Variants in MGMT observed in about 807,000 individuals in gnomAD.
The protein encoded by MGMT is methylated-DNA--protein-cysteine methyltransferase.
In MGMT, 14 loss-of-function variants were observed where a neutral mutation model predicts 15.9. The ratio of observed to expected loss-of-function variants is 0.88; its 90% CI spans 0.58 to 1.37. The LOEUF (loss-of-function observed/expected upper bound fraction) is 1.37. Among genes scored for constraint, MGMT ranks in the 40% most tolerant of loss-of-function variants. The pLI, the probability that MGMT is intolerant of heterozygous loss-of-function variation, is 0.00. For missense variants in MGMT, 282 were observed against 268.1 expected (o/e 1.05, Z -0.36); for synonymous variants, 130 against 118.2 (o/e 1.10, Z -0.65).
At chr10:129,751,835 G>T (rs759014596) in intron 3 of MGMT, among the ~76,000 whole-genome samples, 2 of 151,794 alleles carry the variant, frequency 1.3e-5, no homozygotes, top group African/African-American at 4.8e-5. Flanking sequence ...GGTTTTTGTC[G>T]ATTTCTAGTC....
At position 129,530,839 on chromosome 10, in the gene MGMT, C is replaced by T. The variant is rs535913160; in HGVS notation, c.-12-5402C>T. On this transcript the variant is annotated intron_variant, in intron 1 of 4. Coordinates refer to ENST00000651593, the MANE Select transcript of MGMT (RefSeq NM_002412.5). ...TGGCGGGTGCCTTCACCCTGGCCTG[C>T]GTGGCTCCTCGCCCGGGGGCCCCTC... 2.6e-5 allele frequency among the ~76,000 whole-genome samples: 4 copies of T among 152,332 alleles called. No individual in the cohort carries two copies. The East Asian group carries it at 5.8e-4, about 22-fold the overall frequency.
intron 3 of MGMT, among the ~76,000 whole-genome samples, chr10:129,738,211 G>A (rs945560868): frequency 5.9e-5 from 9 of 152,172 alleles, no homozygotes; most frequent in South Asian, 2.1e-4. Flanking sequence ...GCGAGACTCC[G>A]TGGGCATAGG....
intron 2 of MGMT, among the ~76,000 whole-genome samples, chr10:129,610,409 A>G (rs982937781): frequency 1.3e-5 from 2 of 152,180 alleles, no homozygotes; most frequent in Admixed American, 6.5e-5. Flanking sequence ...CTGTTCTGGA[A>G]CTTGCCAAGT....
intron 1 of MGMT, among the ~76,000 whole-genome samples, chr10:129,471,028 C>T: frequency 6.6e-6 from 1 of 152,194 alleles, no homozygotes; most frequent in East Asian, 1.9e-4. Flanking sequence ...TCAGCAGAGG[C>T]TCCCACCCAG....
intron 2 of MGMT, among the ~76,000 whole-genome samples, chr10:129,655,166 A>G (rs1408023356): frequency 6.6e-6 from 1 of 152,144 alleles, no homozygotes; most frequent in East Asian, 1.9e-4. Context: ...CAGCCAGTGT[A>G]GGGGTGGGAC....
intron 1 of MGMT, among the ~76,000 whole-genome samples, chr10:129,525,103 T>C (rs1368557141): frequency 7.2e-5 from 11 of 152,192 alleles, no homozygotes; most frequent in Non-Finnish European, 7.3e-5. Flanking sequence ...CCCTTTTCTC[T>C]AGGTGTGATC....
Position 129,714,272 on chromosome 10 carries a change from T to C in MGMT, c.274+6229T>C, listed in dbSNP as rs1004743156. 9.2e-5 allele frequency among the ~76,000 whole-genome samples: 14 copies of C among 152,358 alleles called. 1 individual carries two copies. Among genetic ancestry groups the C allele is most frequent in the Middle Eastern group, 6.8e-3 (2 of 294 alleles). On this transcript the variant is annotated intron_variant, in intron 3 of 4. Coordinates refer to ENST00000651593, the MANE Select transcript of MGMT (RefSeq NM_002412.5). ...AGCTATACTCTGGCATATTGGTGAA[T>C]TTCATGGGCCAAAGAACCTGAGGTT...
intron 2 of MGMT, among the ~76,000 whole-genome samples, chr10:129,598,510 T>C (rs1846779393): frequency 6.6e-6 from 1 of 152,166 alleles, no homozygotes; most frequent in Admixed American, 6.5e-5. Flanking sequence ...GTGGTGCTGC[T>C]GGTTCAGGAA....
At chr10:129,689,057 G>C (rs1358186988) in intron 2 of MGMT, among the ~76,000 whole-genome samples, 1 of 152,130 alleles carries the variant, frequency 6.6e-6, no homozygotes, top group Non-Finnish European at 1.5e-5. Context: ...AGCCTCCTGG[G>C]TAGCTGAGAC....
intron 2 of MGMT, among the ~76,000 whole-genome samples, chr10:129,542,268 C>T (rs1313075030): frequency 6.6e-6 from 1 of 152,142 alleles, no homozygotes; most frequent in African/African-American, 2.4e-5. Flanking sequence ...GGTATGTGCA[C>T]CTGCCGAGTC....
intron 2 of MGMT, among the ~76,000 whole-genome samples, chr10:129,699,479 A>G (rs1162887101): frequency 6.6e-6 from 1 of 152,002 alleles, no homozygotes; most frequent in Non-Finnish European, 1.5e-5. Context: ...AGTTTTAGCA[A>G]GATACCTACG....
Position 129,716,326 on chromosome 10 carries a change from CT to C in MGMT, c.274+8291del, listed in dbSNP as rs556746980. ...AGTGTAGCTGTTACTATGACAACGA[CT>C]TTTTTTTCTTGAGTACTGTTTTTAA... On this transcript the variant is annotated intron_variant, in intron 3 of 4. Coordinates refer to ENST00000651593, the MANE Select transcript of MGMT (RefSeq NM_002412.5). Among the ~76,000 whole-genome samples, 35 of 152,094 alleles carry C rather than the reference CT, an allele frequency of 2.3e-4. 1 individual carries two copies. The highest frequency in any genetic ancestry group is 6.8e-4 in the African/African-American group (28 of 41,410).
rs186487266 is a variant in MGMT at position 129,688,153 on chromosome 10, G to A, written c.126-19742G>A. 2.8e-3 allele frequency among the ~76,000 whole-genome samples: 424 copies of A among 152,276 alleles called. 2 individuals are homozygous for A. The highest frequency in any genetic ancestry group is 9.6e-3 in the African/African-American group (397 of 41,540). The stretch of plus-strand genomic sequence containing the variant: ...GTGAATAGTGCCACAGTAAACATAC[G>A]TGTGCATGTGCCTTTATAGCAGCAT... On this transcript the variant is annotated intron_variant, in intron 2 of 4. Transcript: ENST00000651593.
At chr10:129,716,931 C>T (rs547964511) in intron 3 of MGMT, among the ~76,000 whole-genome samples, 3 of 152,166 alleles carry the variant, frequency 2.0e-5, no homozygotes, top group Non-Finnish European at 4.4e-5. Flanking sequence ...TAATATTCAA[C>T]TGAGCATATT....
At chr10:129,761,664 G>T (rs1006337290) in intron 4 of MGMT, among the ~76,000 whole-genome samples, 14 of 152,214 alleles carry the variant, frequency 9.2e-5, no homozygotes, top group Admixed American at 6.5e-4. Flanking sequence ...TGTCTGTAAA[G>T]TCCACACATC....
intron 1 of MGMT, among the ~76,000 whole-genome samples, chr10:129,492,441 G>A (rs530382992): frequency 1.4e-4 from 21 of 152,226 alleles, no homozygotes; most frequent in South Asian, 4.2e-4. Flanking sequence ...CCCCAGTCTC[G>A]TAAGTGCTAT....
chr10:129,492,590 A>G lies in MGMT; in HGVS notation c.-13+25294A>G, dbSNP rs150703580. ...ATTCTGATCTTTCATGCCATCCCCAATGGGCCACCCAGAGCTTCCCTGGTT... is the reference window on the plus strand; with the variant it reads ...ATTCTGATCTTTCATGCCATCCCCAGTGGGCCACCCAGAGCTTCCCTGGTT... On this transcript the variant is annotated intron_variant, in intron 1 of 4. Coordinates refer to ENST00000651593, the MANE Select transcript of MGMT (RefSeq NM_002412.5). Among the ~76,000 whole-genome samples, 861 of 152,232 alleles carry G rather than the reference A, an allele frequency of 5.7e-3. 10 individuals carry two copies. Among genetic ancestry groups the G allele is most frequent in the African/African-American group, 0.02 (811 of 41,532 alleles).
intron 3 of MGMT, among the ~76,000 whole-genome samples, chr10:129,737,927 G>T (rs1260411046): frequency 6.6e-6 from 1 of 152,216 alleles, no homozygotes; most frequent in Non-Finnish European, 1.5e-5. Context: ...ATCTGTAGCT[G>T]CGTGCTGGGA....
At chr10:129,557,356 G>C (rs950588020) in intron 2 of MGMT, among the ~76,000 whole-genome samples, 9 of 152,074 alleles carry the variant, frequency 5.9e-5, no homozygotes, top group Non-Finnish European at 5.9e-5. Flanking sequence ...AACTGTCTTA[G>C]ATCTCCTTGT....
Sources: gnomAD v4.1 joint callset for allele counts (sites outside exome capture counted in the v4.1 genomes callset) on GRCh38, gnomAD v4.1.1 for gene constraint, MANE v1.5 for transcripts, NCBI Gene and HGNC (gene_info 2026-07-23, HGNC 2026-07-21) for gene names.